IGF2BP2: variants seen among roughly 807,000 people sequenced by gnomAD.
IGF2BP2 encodes the protein insulin like growth factor 2 mRNA binding protein 2, also known as insulin-like growth factor 2 mRNA-binding protein 2.
IGF2BP2 carries 17 observed loss-of-function variants against 75.8 expected under a neutral mutation model. The ratio of observed to expected loss-of-function variants is 0.22; its 90% CI spans 0.15 to 0.34. The LOEUF is 0.34. Among genes scored for constraint, IGF2BP2 ranks in the 10% least tolerant of loss-of-function variants. IGF2BP2 has a pLI of 1.00. For missense variants in IGF2BP2, 516 were observed against 772.4 expected, an observed-to-expected ratio of 0.67 and a Z score of 3.93; for synonymous variants, 288 against 295.6, an observed-to-expected ratio of 0.97 and a Z score of 0.26.
intron 2 of IGF2BP2, among the ~76,000 whole-genome samples, chr3:185,739,857 C>T: frequency 1.0e-5 from 1 of 96,340 alleles, no homozygotes; most frequent in East Asian, 3.4e-4. Context: ...CCCCCACCCC[C>T]CCTACCCCCC....
At position 185,723,822 on chromosome 3, in the gene IGF2BP2, T is replaced by C. The variant is rs190323042; in HGVS notation, c.240-25475A>G. On this transcript the variant is annotated intron_variant, in intron 2 of 15. Coordinates refer to ENST00000382199, the MANE Select transcript of IGF2BP2 (RefSeq NM_006548.6). ...TCAGAGGAAAGGCTATACCTAGCCT[T>C]GAGGGAGGGTGTAGGAACCAGAAGG... is the stretch of plus-strand genomic sequence containing the variant. Among the ~76,000 whole-genome samples the C allele has an allele frequency of 2.2e-4, 34 of 152,084 alleles. No homozygotes were observed. The East Asian group carries it at 6.0e-3, about 27-fold the overall frequency.
chr3:185,715,276 G>C (rs1725417581), intron 2 of IGF2BP2, among the ~76,000 whole-genome samples: 1 of 152,194 alleles, frequency 6.6e-6, no homozygotes, highest in Admixed American at 6.5e-5. Flanking sequence ...GAGGAGCAGA[G>C]AATGCTTCCA....
chr3:185,698,188 G>C (rs1722827785), intron 3 of IGF2BP2, 111 bp downstream of exon 3: 4 of 871,662 alleles, frequency 4.6e-6, no homozygotes, highest in Non-Finnish European at 7.4e-6. Context: ...AAAGAGGCAG[G>C]ACCCAGAAGC....
intron 2 of IGF2BP2, among the ~76,000 whole-genome samples, chr3:185,811,154 C>G (rs1739767231): frequency 6.6e-6 from 1 of 151,898 alleles, no homozygotes; most frequent in Admixed American, 6.6e-5. Flanking sequence ...ATGTAGGGTA[C>G]TTTATAATGG....
At chr3:185,707,361 G>C (rs1724194705) in intron 2 of IGF2BP2, among the ~76,000 whole-genome samples, 1 of 133,896 alleles carries the variant, frequency 7.5e-6, no homozygotes, top group Non-Finnish European at 1.5e-5. Context: ...AGGCTAGAGG[G>C]CACTGGCGCA....
chr3:185,822,284 T>C (rs936237139), intron 2 of IGF2BP2, among the ~76,000 whole-genome samples: 1 of 152,202 alleles, frequency 6.6e-6, no homozygotes, highest in Non-Finnish European at 1.5e-5. Flanking sequence ...AGCTACTTAA[T>C]GACTAATGGT....
intron 2 of IGF2BP2, among the ~76,000 whole-genome samples, chr3:185,797,887 C>A (rs1308950960): frequency 1.4e-5 from 2 of 138,372 alleles, no homozygotes; most frequent in African/African-American, 5.7e-5. Context: ...CAGAGTGAGA[C>A]CCTGTCTCTT....
At chr3:185,662,020 A>C (rs909009486) in intron 10 of IGF2BP2, among the ~76,000 whole-genome samples, 5 of 152,150 alleles carry the variant, frequency 3.3e-5, no homozygotes, top group African/African-American at 1.2e-4. Flanking sequence ...GAGGGTTAGC[A>C]GGATGTGGCG....
intron 2 of IGF2BP2, among the ~76,000 whole-genome samples, chr3:185,709,771 C>A (rs1724542235): frequency 6.6e-6 from 1 of 152,140 alleles, no homozygotes; most frequent in Non-Finnish European, 1.5e-5. Context: ...TCCCTCTTTC[C>A]ATGTAAATCA....
intron 2 of IGF2BP2, among the ~76,000 whole-genome samples, chr3:185,742,518 G>A (rs1729702108): frequency 1.3e-5 from 2 of 151,336 alleles, no homozygotes; most frequent in Admixed American, 6.6e-5. Context: ...TTAGCCAAGC[G>A]TAGTGGTGCA....
chr3:185,791,868 C>T (rs1327903421), intron 2 of IGF2BP2, among the ~76,000 whole-genome samples: 4 of 152,234 alleles, frequency 2.6e-5, no homozygotes, highest in Non-Finnish European at 4.4e-5. Context: ...TAATTCTTCA[C>T]TTCTTCCACT....
rs144741741 is a variant in IGF2BP2 at position 185,674,921 on chromosome 3, T to C, written c.1071+375A>G. 590 of 159,832 alleles carry C rather than the reference T, an allele frequency of 3.7e-3. 2 individuals are homozygous for C. Among genetic ancestry groups the C allele is most frequent in the African/African-American group, 0.013 (550 of 41,596 alleles). The allele number at this position is 159,832 out of a possible 1,614,324, so 9.9% of individuals were successfully genotyped here. A position where few individuals can be genotyped will look rare whatever the true frequency, so the allele number is the denominator to read the frequency against. The stretch of plus-strand genomic sequence containing the variant: ...ATGCCAGCTCACTGTAGTCTCAACC[T>C]CCTGGGCTCAAGTGCTCCTCCTGCC... On this transcript the variant is annotated intron_variant, in intron 9 of 15. Coordinates refer to ENST00000382199, the MANE Select transcript of IGF2BP2 (RefSeq NM_006548.6).
intron 2 of IGF2BP2, among the ~76,000 whole-genome samples, chr3:185,703,272 C>T (rs1421680872): frequency 4.6e-5 from 7 of 152,194 alleles, no homozygotes; most frequent in African/African-American, 1.7e-4. Context: ...ATTTTATAAT[C>T]TGTTATATTT....
chr3:185,748,675 T>C (rs1217484025), intron 2 of IGF2BP2, among the ~76,000 whole-genome samples: 2 of 152,214 alleles, frequency 1.3e-5, no homozygotes, highest in Non-Finnish European at 2.9e-5. Flanking sequence ...GTGGCAACCC[T>C]GTCCCAGAAA....
intron 10 of IGF2BP2, among the ~76,000 whole-genome samples, chr3:185,660,572 T>C (rs1716269091): frequency 6.6e-6 from 1 of 152,166 alleles, no homozygotes; most frequent in South Asian, 2.1e-4. Flanking sequence ...AGAGCCTTGC[T>C]TTGACTTGGA....
At chr3:185,656,946 T>G (rs1454448006) in intron 12 of IGF2BP2, among the ~76,000 whole-genome samples, 2 of 152,260 alleles carry the variant, frequency 1.3e-5, no homozygotes, top group Admixed American at 1.3e-4. Context: ...CACCGCATAC[T>G]GGTACCTGCT....
At chr3:185,696,542 T>C in intron 4 of IGF2BP2, 70 bp downstream of exon 4, 2 of 1,301,960 alleles carry the variant, frequency 1.5e-6, no homozygotes, top group South Asian at 2.4e-5. Flanking sequence ...CTCCCTGGAG[T>C]TGACCTAACC....
chr3:185,737,362 G>GA (rs150467684), intron 2 of IGF2BP2, among the ~76,000 whole-genome samples: 1 of 152,122 alleles, frequency 6.6e-6, no homozygotes, highest in Admixed American at 6.5e-5. Flanking sequence ...CTCCTACTGT[G>GA]AAAAAATATT....
intron 2 of IGF2BP2, among the ~76,000 whole-genome samples, chr3:185,819,044 A>G (rs1349181713): frequency 6.6e-6 from 1 of 152,182 alleles, no homozygotes; most frequent in African/African-American, 2.4e-5. Context: ...TGCACTTTAG[A>G]TCATCAAGTA....
Sources: gnomAD v4.1 joint callset for allele counts (sites outside exome capture counted in the v4.1 genomes callset) on GRCh38, gnomAD v4.1.1 for gene constraint, MANE v1.5 for transcripts, NCBI Gene and HGNC (gene_info 2026-07-23, HGNC 2026-07-21) for gene names.